The following TAF1B variants were observed in gnomAD, a reference collection of about 807,000 sequenced individuals.
TAF1B encodes TATA-box binding protein associated factor, RNA polymerase I subunit B, also known as TATA box-binding protein-associated factor RNA polymerase I subunit B.
In TAF1B, 61 loss-of-function variants were observed where a neutral mutation model predicts 83.9. The observed-to-expected ratio is 0.73, with a 90% CI of 0.59 to 0.90. The LOEUF (loss-of-function observed/expected upper bound fraction) is 0.90. Among genes scored for constraint, TAF1B ranks in the 40% least tolerant of loss-of-function variants. The pLI is 0.00. For missense variants in TAF1B, 625 were observed against 677.0 expected (o/e 0.92, Z 0.85); for synonymous variants, 221 against 224.6 (o/e 0.98, Z 0.14).
At chr2:9,869,063 C>T (rs553322284) in intron 6 of TAF1B, among the ~76,000 whole-genome samples, 1 of 152,288 alleles carries the variant, frequency 6.6e-6, no homozygotes, top group African/African-American at 2.4e-5. Context: ...CTGGAGTTTT[C>T]TTCTCCACCT....
chr2:9,865,783 A>G (rs543028203), intron 5 of TAF1B, among the ~76,000 whole-genome samples: 5 of 151,694 alleles, frequency 3.3e-5, no homozygotes, highest in South Asian at 4.2e-4. Context: ...ATAATGCTGC[A>G]TATCTACAAC....
At chr2:9,868,125 G>A (rs921584409) in intron 5 of TAF1B, 151 bp from the exon 6 acceptor site, 23 of 745,470 alleles carry the variant, frequency 3.1e-5, no homozygotes, top group Admixed American at 6.0e-5. Flanking sequence ...TGTCAGGAGC[G>A]TGTTTCAGAA....
At chr2:9,927,660 A>G (rs2125185086) in intron 14 of TAF1B, among the ~76,000 whole-genome samples, 1 of 152,314 alleles carries the variant, frequency 6.6e-6, no homozygotes, top group African/African-American at 2.4e-5. Flanking sequence ...TTGGCTGCAT[A>G]AATGTCTTCT....
chr2:9,879,266 T>C (rs996691513), intron 7 of TAF1B, among the ~76,000 whole-genome samples: 6 of 152,202 alleles, frequency 3.9e-5, no homozygotes, highest in African/African-American at 1.2e-4. Flanking sequence ...GAGGCTGTTA[T>C]TAAGTAAAAT....
chr2:9,915,552 G>A (rs1400145900), intron 12 of TAF1B, among the ~76,000 whole-genome samples: 1 of 152,006 alleles, frequency 6.6e-6, no homozygotes, highest in Non-Finnish European at 1.5e-5. Context: ...TCATTAATAG[G>A]GAAATGCAAA....
chr2:9,845,505 T>A (rs1244220934), intron 2 of TAF1B, 187 bp downstream of exon 2: 3 of 487,670 alleles, frequency 6.2e-6, no homozygotes, highest in African/African-American at 3.9e-5. Context: ...AGATTGAGGA[T>A]GAGTTTTTGA....
intron 5 of TAF1B, among the ~76,000 whole-genome samples, chr2:9,865,357 A>T (rs1274794936): frequency 6.6e-6 from 1 of 152,230 alleles, no homozygotes; most frequent in Non-Finnish European, 1.5e-5. Context: ...CAAAGAGAAT[A>T]AAATACCTAG....
chr2:9,877,514 C>T lies in TAF1B; in HGVS notation c.707+1496C>T, dbSNP rs534557192. On this transcript the variant is annotated intron_variant, in intron 7 of 14. Coordinates refer to ENST00000263663, the MANE Select transcript of TAF1B (RefSeq NM_005680.3). Reference sequence around the variant, plus strand: ...CCATTCTTCTCTGCATTCCCTCTCTCTCTCTGTCCTCTCTACCCTCATTTG... The same window carrying T: ...CCATTCTTCTCTGCATTCCCTCTCTTTCTCTGTCCTCTCTACCCTCATTTG... 2.0e-5 allele frequency among the ~76,000 whole-genome samples: 3 copies of T among 152,328 alleles called. No homozygotes were observed. The South Asian group carries it at 6.2e-4, about 32-fold the overall frequency.
intron 5 of TAF1B, among the ~76,000 whole-genome samples, chr2:9,858,403 T>C (rs1183124892): frequency 6.6e-6 from 1 of 152,078 alleles, no homozygotes; most frequent in African/African-American, 2.4e-5. Flanking sequence ...TGGGCCAGAG[T>C]TGAGTGTCTG....
At chr2:9,887,119 C>G (rs1664700461) in intron 8 of TAF1B, among the ~76,000 whole-genome samples, 1 of 152,074 alleles carries the variant, frequency 6.6e-6, no homozygotes. Context: ...GAAGTACCTA[C>G]AACTATAATA....
At chr2:9,846,074 A>G in intron 2 of TAF1B, 1 of 471,122 alleles carries the variant, frequency 2.1e-6, no homozygotes, top group South Asian at 1.5e-5. Flanking sequence ...CAGATTACAA[A>G]GTTTTTGGAT....
At chr2:9,887,957 A>G (rs1011385553) in intron 8 of TAF1B, among the ~76,000 whole-genome samples, 10 of 152,070 alleles carry the variant, frequency 6.6e-5, no homozygotes, top group Admixed American at 5.2e-4. Context: ...GGCTTAAGCA[A>G]TCCTTTTGCC....
intron 7 of TAF1B, among the ~76,000 whole-genome samples, chr2:9,877,799 T>A (rs1455453222): frequency 6.6e-6 from 1 of 152,136 alleles, no homozygotes; most frequent in East Asian, 1.9e-4. Context: ...GTTGGAATAA[T>A]AGGGGTAAGA....
At chr2:9,869,794 A>ACC (rs1244327133) in intron 6 of TAF1B, among the ~76,000 whole-genome samples, 11 of 151,848 alleles carry the variant, frequency 7.2e-5, no homozygotes, top group Admixed American at 1.3e-4. Context: ...AATTGCTTGA[A>ACC]CCGGGAGGCA....
intron 5 of TAF1B, among the ~76,000 whole-genome samples, chr2:9,862,240 A>T (rs2125142152): frequency 6.6e-6 from 1 of 152,322 alleles, no homozygotes; most frequent in South Asian, 2.1e-4. Context: ...CAATGCAGAG[A>T]AGTCCTTAAA....
intron 14 of TAF1B, among the ~76,000 whole-genome samples, chr2:9,921,596 TGAAGA>T (rs1358913896): frequency 1.3e-5 from 2 of 152,236 alleles, no homozygotes; most frequent in Admixed American, 1.3e-4. Context: ...CAAGTCCACT[TGAAGA>T]GAAGATTTTT....
intron 8 of TAF1B, among the ~76,000 whole-genome samples, chr2:9,883,919 A>G (rs1021875064): frequency 5.3e-5 from 8 of 152,204 alleles, no homozygotes; most frequent in Non-Finnish European, 7.3e-5. Flanking sequence ...TTCTGGCTGG[A>G]AAACCTTTGT....
rs758810120 is a variant in TAF1B at position 9,934,003 on chromosome 2, T to G, written c.*19T>G. On this transcript the variant is annotated 3_prime_UTR_variant, in exon 15 of 15. Coordinates refer to ENST00000263663, the MANE Select transcript of TAF1B (RefSeq NM_005680.3). ...ACATTGAGAAAATGAAATAGAAACT[T>G]TCTGGAAAAATATTTTAATAGTGAT... The G allele has an allele frequency of 6.4e-7, 1 of 1,552,176 alleles. No individual in the cohort carries two copies. The highest frequency in any genetic ancestry group is 2.0e-5 in the Admixed American group (1 of 49,460).
Position 9,919,614 on chromosome 2 carries a change from A to G in TAF1B, c.1359A>G (p.Leu453=), listed in dbSNP as rs749515856. 1 of 1,614,032 alleles carries G rather than the reference A, an allele frequency of 6.2e-7. No individual in the cohort carries two copies. The highest frequency in any genetic ancestry group is 1.3e-5 in the African/African-American group (1 of 75,006). ...AYKKREMVVN[L]QKQFSTLVES... Reference sequence around the variant, plus strand: ...CGGTTCCAGAAATGGTGGTGAATCTACAGAAACAATTTAGCACACTGGTCG... The same window carrying G: ...CGGTTCCAGAAATGGTGGTGAATCTGCAGAAACAATTTAGCACACTGGTCG... The change falls in exon 14 of 15, where the codon CTA becomes CTG. Residue 453 remains leucine (L), a synonymous_variant. Coordinates refer to ENST00000263663, the MANE Select transcript of TAF1B (RefSeq NM_005680.3).
Sources: gnomAD v4.1 joint callset for allele counts (sites outside exome capture counted in the v4.1 genomes callset) on GRCh38, gnomAD v4.1.1 for gene constraint, MANE v1.5 for transcripts, NCBI Gene and HGNC (gene_info 2026-07-23, HGNC 2026-07-21) for gene names.